SOX6: variants seen among roughly 807,000 people sequenced by gnomAD.
The protein encoded by SOX6 is SRY-box transcription factor 6, also known as transcription factor SOX-6.
In SOX6, 11 loss-of-function variants were observed where a neutral mutation model predicts 97.8. The ratio of observed to expected loss-of-function variants is 0.11; its 90% CI spans 0.07 to 0.19. SOX6 has a LOEUF of 0.19. Ranked by LOEUF, SOX6 falls within the 10% of genes least tolerant of loss-of-function variation. The pLI is 1.00. For missense variants in SOX6, 810 were observed against 1,039.5 expected, an observed-to-expected ratio of 0.78 and a Z score of 3.04; for synonymous variants, 360 against 371.4, an observed-to-expected ratio of 0.97 and a Z score of 0.35.
At chr11:16,656,643 A>T (rs1847720539) in intron 3 of SOX6, among the ~76,000 whole-genome samples, 1 of 152,222 alleles carries the variant, frequency 6.6e-6, no homozygotes, top group Non-Finnish European at 1.5e-5. Context: ...AAGAGTCTAA[A>T]TAAAATTTTA....
rs1564972580 is a variant in SOX6, at chr11:16,132,436, AGAAAGAAAAAAG to A, written c.778-20525_778-20514del. 3.0e-3 allele frequency among the ~76,000 whole-genome samples: 253 copies of A among 84,700 alleles called. 10 individuals are homozygous for A. Among genetic ancestry groups the A allele is most frequent in the Non-Finnish European group, 4.1e-3 (184 of 44,416 alleles). The allele number at this position is 84,700 out of a possible 152,430, so 55.6% of individuals were successfully genotyped here. A position where few individuals can be genotyped will look rare whatever the true frequency, so the allele number is the denominator to read the frequency against. Reference sequence around the variant, plus strand: ...AAGAAAGAAAGAAAGAAAGAAAGAAAGAAAGAAAAAAGAAAGAAAGAAAGAAAGAAAGAAAGA... The same window carrying A: ...AAGAAAGAAAGAAAGAAAGAAAGAAAAAAGAAAGAAAGAAAGAAAGAAAGA... On this transcript the variant is annotated intron_variant, in intron 6 of 15. Transcript: ENST00000683767.
In SOX6 at chr11:15,972,519, C is replaced by T. The variant is rs2119758174; in HGVS notation, c.*290G>A. ...AAAAAAGTAAGACAAAAATATAAGA[C>T]TTGTAAGACATCTACGGGTTGAGAT... On this transcript the variant is annotated 3_prime_UTR_variant, in exon 16 of 16. Coordinates refer to ENST00000683767, the MANE Select transcript of SOX6 (RefSeq NM_001367873.1). The T allele has an allele frequency of 2.3e-6, 1 of 429,540 alleles. No individual in the cohort carries two copies. Among genetic ancestry groups the T allele is most frequent in the Non-Finnish European group, 4.2e-6 (1 of 237,446 alleles). The allele number at this position is 429,540 out of a possible 1,614,324, so 26.6% of individuals were successfully genotyped here.
At chr11:16,286,581 T>C (rs1854750665) in intron 3 of SOX6, among the ~76,000 whole-genome samples, 2 of 152,120 alleles carry the variant, frequency 1.3e-5, no homozygotes, top group Non-Finnish European at 2.9e-5. Context: ...CAGTGAGGTA[T>C]TTATGAGTCA....
intron 3 of SOX6, among the ~76,000 whole-genome samples, chr11:16,668,487 AGAAG>A (rs1275113942): frequency 6.6e-6 from 1 of 152,222 alleles, no homozygotes; most frequent in Non-Finnish European, 1.5e-5. Context: ...AAGAAAGGAC[AGAAG>A]GAAGAGAAGA....
intron 1 of SOX6, among the ~76,000 whole-genome samples, chr11:16,445,196 A>G (rs1386399587): frequency 1.3e-5 from 2 of 152,210 alleles, no homozygotes; most frequent in African/African-American, 4.8e-5. Flanking sequence ...ATTAAAATAC[A>G]TAAACATGGT....
chr11:16,422,803 C>G (rs997707267), intron 1 of SOX6, among the ~76,000 whole-genome samples: 1 of 152,128 alleles, frequency 6.6e-6, no homozygotes, highest in Admixed American at 6.5e-5. Context: ...GTGACATCTA[C>G]TCAAAAAACC....
At chr11:16,518,512 T>C (rs1250605949) in intron 4 of SOX6, among the ~76,000 whole-genome samples, 3 of 152,206 alleles carry the variant, frequency 2.0e-5, no homozygotes, top group African/African-American at 4.8e-5. Flanking sequence ...ATAAGCTCAT[T>C]GAGGGGAGAA....
chr11:16,181,392 A>C (rs955690081), intron 6 of SOX6, among the ~76,000 whole-genome samples: 1 of 151,618 alleles, frequency 6.6e-6, no homozygotes, highest in African/African-American at 2.4e-5. Flanking sequence ...TTTGGGTTCA[A>C]ATGAGAAAGT....
At chr11:16,341,354 CTTTAGAGATA>C in intron 1 of SOX6, 102 bp from the exon 2 acceptor site, 1 of 1,482,540 alleles carries the variant, frequency 6.7e-7, no homozygotes, top group East Asian at 2.4e-5. Flanking sequence ...AGTTATTTAA[CTTTAGAGATA>C]TTTGTGGTCC....
In SOX6 at chr11:16,669,654, G is replaced by T. The variant is rs190003909; in HGVS notation, n.429+45176C>A. On this transcript the variant is annotated intron_variant and non_coding_transcript_variant, in intron 3 of 5. Transcript: ENST00000524520. ...CCATCTTTGCTTTCTTACAGCCCTT[G>T]CCCTTGCTGTCTCCAGGCTTGGGAG... 4.4e-3 allele frequency among the ~76,000 whole-genome samples: 673 copies of T among 152,288 alleles called. 4 individuals carry two copies. The highest frequency in any genetic ancestry group is 0.016 in the African/African-American group (651 of 41,556).
chr11:16,461,047 CTG>C (rs1859915276), intron 1 of SOX6, among the ~76,000 whole-genome samples: 1 of 152,010 alleles, frequency 6.6e-6, no homozygotes, highest in Non-Finnish European at 1.5e-5. Context: ...AGAAAAAAAA[CTG>C]TTAATTTTCA....
intron 6 of SOX6, among the ~76,000 whole-genome samples, chr11:16,123,732 G>A (rs148985548): frequency 0.039 from 5,870 of 151,998 alleles, 209 homozygotes; most frequent in Non-Finnish European, 0.049. Context: ...ACAAGGTGAC[G>A]CTGAAGATGA....
At position 15,986,438 on chromosome 11, in the gene SOX6, C is replaced by G. The variant is rs181825177; in HGVS notation, c.1967-18G>C. ...GCGAGATCCTAGAAATAAAAATAGC[C>G]TTAAGTACCCAAGTGGTCAAGGCAA... On this transcript the variant is annotated intron_variant, in intron 14 of 15. Coordinates refer to ENST00000683767, the MANE Select transcript of SOX6 (RefSeq NM_001367873.1). 30 of 1,612,898 alleles carry G rather than the reference C, an allele frequency of 1.9e-5. 1 individual carries two copies. In the African/African-American group the frequency reaches 3.9e-4, roughly 21 times the overall value.
intron 4 of SOX6, among the ~76,000 whole-genome samples, chr11:16,592,198 A>T (rs943342408): frequency 6.6e-6 from 1 of 151,580 alleles, no homozygotes; most frequent in Admixed American, 6.6e-5. Context: ...GGCAACCACT[A>T]TTCTGTCAGA....
intron 4 of SOX6, among the ~76,000 whole-genome samples, chr11:16,518,688 G>A (rs2133158607): frequency 6.6e-6 from 1 of 152,188 alleles, no homozygotes; most frequent in East Asian, 1.9e-4. Flanking sequence ...ACATTCCCAT[G>A]ATAGATCAAA....
intron 13 of SOX6, among the ~76,000 whole-genome samples, chr11:15,992,013 G>A (rs1326079363): frequency 6.6e-6 from 1 of 152,134 alleles, no homozygotes; most frequent in Non-Finnish European, 1.5e-5. Context: ...ATTATCTTCA[G>A]GAGCTGAAGG....
At chr11:16,468,398 GT>G (rs1377075167) in intron 1 of SOX6, among the ~76,000 whole-genome samples, 2 of 152,178 alleles carry the variant, frequency 1.3e-5, no homozygotes, top group African/African-American at 4.8e-5. Context: ...TGTGTAAGTT[GT>G]TTTGCAGGCA....
chr11:16,600,250 A>T (rs1322716901), intron 4 of SOX6, among the ~76,000 whole-genome samples: 1 of 152,212 alleles, frequency 6.6e-6, no homozygotes, highest in East Asian at 1.9e-4. Flanking sequence ...TCATCTTCAC[A>T]TATGGTCTCA....
At chr11:16,238,546 G>A (rs913175696) in intron 3 of SOX6, among the ~76,000 whole-genome samples, 1 of 151,894 alleles carries the variant, frequency 6.6e-6, no homozygotes, top group Non-Finnish European at 1.5e-5. Context: ...GTGATATTTT[G>A]GGAACAATTT....
Sources: allele counts gnomAD v4.1 joint callset (sites outside exome capture counted in the v4.1 genomes callset), GRCh38; gene constraint gnomAD v4.1.1; transcripts MANE v1.5; gene names NCBI Gene and HGNC (gene_info 2026-07-23, HGNC 2026-07-21).